The following PKHD1 variants were observed in gnomAD, a reference collection of about 807,000 sequenced individuals.
PKHD1 encodes fibrocystin.
Under a neutral mutation model 412.0 loss-of-function variants are expected in PKHD1, and 291 were observed. The observed-to-expected ratio is 0.71, with a 90% confidence interval of 0.64 to 0.78. The LOEUF (loss-of-function observed/expected upper bound fraction) is 0.78, where lower values mean the gene tolerates loss of function less well. Ranked by LOEUF, PKHD1 falls within the 30% of genes least tolerant of loss-of-function variation. The pLI, the probability that PKHD1 is intolerant of heterozygous loss-of-function variation, is 0.00. For missense variants in PKHD1, 4,825 were observed against 4,950.7 expected, an observed-to-expected ratio of 0.97 and a Z score of 0.76; for synonymous variants, 1,777 against 1,821.5, an observed-to-expected ratio of 0.98 and a Z score of 0.62.
At chr6:52,023,288 C>T (rs560291058) in intron 32 of PKHD1, among the ~76,000 whole-genome samples, 1 of 152,124 alleles carries the variant, frequency 6.6e-6, no homozygotes, top group African/African-American at 2.4e-5. Context: ...ACTCCCTCCC[C>T]GGAGGTACCC....
At chr6:51,963,598 C>G (rs1792382364) in intron 35 of PKHD1, among the ~76,000 whole-genome samples, 1 of 152,050 alleles carries the variant, frequency 6.6e-6, no homozygotes, top group South Asian at 2.1e-4. Flanking sequence ...AATTTTAGCT[C>G]TCCTACATTT....
At chr6:52,067,844 A>G (rs1449913451) in intron 11 of PKHD1, among the ~76,000 whole-genome samples, 1 of 152,206 alleles carries the variant, frequency 6.6e-6, no homozygotes, top group East Asian at 1.9e-4. Context: ...ATAGCAAGCC[A>G]TAAGAGGATG....
chr6:51,936,403 G>A (rs1787489802), intron 36 of PKHD1, among the ~76,000 whole-genome samples: 1 of 152,206 alleles, frequency 6.6e-6, no homozygotes, highest in Non-Finnish European at 1.5e-5. Context: ...GAGTCTTGGT[G>A]AGATGTAGTG....
chr6:51,903,553 T>C, intron 43 of PKHD1, 44 bp downstream of exon 43: 2 of 1,578,506 alleles, frequency 1.3e-6, no homozygotes, highest in Non-Finnish European at 1.7e-6. Flanking sequence ...AAGAACTTTA[T>C]GCCCTCTCAG....
Position 52,046,134 on chromosome 6 carries a change from G to A in PKHD1, c.2462C>T (p.Ala821Val). Residue 821 changes from alanine (A) to valine (V), a missense_variant, in exon 24 of 67, where the codon GCC (alanine) becomes GTC (valine). Transcript: ENST00000371117. ...HHLHQLLQNN[A>V]DDFTSRYLNA... is the part of the protein sequence containing the mutation. ...GAGGTACCTGGATGTGAAGTCATCGGCATTATTCTGTAAGAGCTGGTGAAG... is the reference window on the plus strand; with the variant it reads ...GAGGTACCTGGATGTGAAGTCATCGACATTATTCTGTAAGAGCTGGTGAAG... 1 of 1,613,474 alleles carries A rather than the reference G, an allele frequency of 6.2e-7. No individual in the cohort carries two copies. The highest frequency in any genetic ancestry group is 1.1e-5 in the South Asian group (1 of 91,060).
chr6:52,083,080 C>T (rs1420585827), intron 3 of PKHD1, 98 bp downstream of exon 3: 11 of 864,140 alleles, frequency 1.3e-5, no homozygotes, highest in Non-Finnish European at 2.0e-5. Context: ...CCCACTTTTA[C>T]ACCTGTCCTT....
At chr6:51,800,614 T>A (rs771914627) in intron 52 of PKHD1, among the ~76,000 whole-genome samples, 29 of 152,224 alleles carry the variant, frequency 1.9e-4, no homozygotes, top group Non-Finnish European at 3.5e-4. Context: ...GTCACTATTG[T>A]GTAGCATTCC....
At chr6:52,041,580 C>T (rs1804895647) in intron 27 of PKHD1, among the ~76,000 whole-genome samples, 3 of 152,008 alleles carry the variant, frequency 2.0e-5, no homozygotes, top group African/African-American at 7.2e-5. Context: ...CAGCTAGAGC[C>T]TCTCTCTCTC....
intron 65 of PKHD1, among the ~76,000 whole-genome samples, chr6:51,629,823 A>C (rs575665890): frequency 6.6e-6 from 1 of 152,136 alleles, no homozygotes; most frequent in Non-Finnish European, 1.5e-5. Context: ...TATTTGGCAG[A>C]TTTTATTTTT....
At chr6:52,050,564 T>C (rs1239681570) in intron 21 of PKHD1, among the ~76,000 whole-genome samples, 1 of 152,200 alleles carries the variant, frequency 6.6e-6, no homozygotes, top group Non-Finnish European at 1.5e-5. Flanking sequence ...GCTAGTAAAA[T>C]GTCACTCCCT....
chr6:52,084,687 T>C (rs1225433149), intron 2 of PKHD1, among the ~76,000 whole-genome samples, 195 bp downstream of exon 2: 2 of 152,196 alleles, frequency 1.3e-5, no homozygotes, highest in East Asian at 3.8e-4. Flanking sequence ...ATTCAACATA[T>C]AATTTAAACC....
intron 60 of PKHD1, among the ~76,000 whole-genome samples, chr6:51,665,282 A>T (rs186821747): frequency 5.1e-4 from 78 of 152,266 alleles, no homozygotes; most frequent in African/African-American, 1.9e-3. Context: ...TCTTTGTTAG[A>T]AATATGAGAA....
chr6:51,652,566 T>TAAATAGGCTAGATAAGGCCAAATA (rs1562027233), intron 61 of PKHD1, among the ~76,000 whole-genome samples: 4 of 4,966 alleles, frequency 8.1e-4, no homozygotes, highest in East Asian at 0.019. Flanking sequence ...TCTCTTGTTT[T>TAAATAGGCTAGATAAGGCCAAATA]TTTTTTTTTT....
chr6:51,710,074 G>A (rs1780477054), intron 60 of PKHD1, among the ~76,000 whole-genome samples: 1 of 152,034 alleles, frequency 6.6e-6, no homozygotes, highest in African/African-American at 2.4e-5. Context: ...GCCGGGCATG[G>A]TGGCGGCTGC....
Position 52,058,445 on chromosome 6 carries a change from T to C in PKHD1, c.1390A>G (p.Ser464Gly), listed in dbSNP as rs147131835. ...LEAEHHGIAP[S>G]RGMRIGVQIH... ...TGGACACCAATCCTCATCCCCCTGCTTGGGGCTATCCCATGATGCTCTGCT... is the reference window on the plus strand; with the variant it reads ...TGGACACCAATCCTCATCCCCCTGCCTGGGGCTATCCCATGATGCTCTGCT... Residue 464 changes from serine (S) to glycine (G), a missense_variant, in exon 16 of 67, where the codon AGC (serine) becomes GGC (glycine). Coordinates refer to ENST00000371117, the MANE Select transcript of PKHD1 (RefSeq NM_138694.4). The C allele has an allele frequency of 1.2e-6, 2 of 1,614,184 alleles. No individual in the cohort carries two copies. Among genetic ancestry groups the C allele is most frequent in the East Asian group, 2.2e-5 (1 of 44,884 alleles).
chr6:51,833,289 G>A (rs1751451152), intron 51 of PKHD1, among the ~76,000 whole-genome samples: 1 of 152,132 alleles, frequency 6.6e-6, no homozygotes, highest in African/African-American at 2.4e-5. Context: ...TAAGAGGGCT[G>A]ACACAGTCTT....
rs555277072 is a variant in PKHD1, at chr6:52,013,715, TG to T, written c.5601-3257del. Among the ~76,000 whole-genome samples the T allele has an allele frequency of 5.6e-3, 850 of 152,242 alleles. 7 individuals are homozygous for T. Among genetic ancestry groups the T allele is most frequent in the African/African-American group, 0.02 (820 of 41,504 alleles). On this transcript the variant is annotated intron_variant, in intron 34 of 66. Transcript: ENST00000371117. ...CTTTGGGGGATATGGTTTAAAATAT[TG>T]GGTAAAAATGGTGGCAAAGATTGTT... is the stretch of plus-strand genomic sequence containing the variant.
At chr6:51,710,712 T>G (rs1780552162) in intron 60 of PKHD1, among the ~76,000 whole-genome samples, 1 of 152,194 alleles carries the variant, frequency 6.6e-6, no homozygotes, top group Non-Finnish European at 1.5e-5. Context: ...ATTTGAATAC[T>G]TATTGAATAT....
At position 52,073,451 on chromosome 6, in the gene PKHD1, A is replaced by C; in HGVS notation, c.527+12T>G. The C allele has an allele frequency of 6.4e-7, 1 of 1,561,638 alleles. No individual in the cohort carries two copies. Among genetic ancestry groups the C allele is most frequent in the Non-Finnish European group, 8.8e-7 (1 of 1,132,456 alleles). On this transcript the variant is annotated intron_variant, in intron 7 of 66. Coordinates refer to ENST00000371117, the MANE Select transcript of PKHD1 (RefSeq NM_138694.4). Reference sequence around the variant, plus strand: ...TGTAACTAGTTAAACACAAAAACAAACACACACTTACCTATCAATGTACTC... The same window carrying C: ...TGTAACTAGTTAAACACAAAAACAACCACACACTTACCTATCAATGTACTC...
Sources: allele counts gnomAD v4.1 joint callset (sites outside exome capture counted in the v4.1 genomes callset), GRCh38; gene constraint gnomAD v4.1.1; transcripts MANE v1.5; gene names NCBI Gene and HGNC (gene_info 2026-07-23, HGNC 2026-07-21).